Variants in CMIP observed in about 807,000 individuals in gnomAD.
The protein encoded by CMIP is c-Maf inducing protein.
In CMIP, 13 loss-of-function variants were observed where a neutral mutation model predicts 97.3. The ratio of observed to expected loss-of-function variants is 0.13; its 90% confidence interval spans 0.09 to 0.21. The LOEUF (loss-of-function observed/expected upper bound fraction) is 0.21, where lower values mean the gene tolerates loss of function less well. Ranked by LOEUF, CMIP falls within the 10% of genes least tolerant of loss-of-function variation. CMIP has a pLI of 1.00. For missense variants in CMIP, 847 were observed against 1,024.9 expected (o/e 0.83, Z 2.37); for synonymous variants, 538 against 436.3 (o/e 1.23, Z -2.91).
chr16:81,617,881 G>C (rs1333444443), intron 2 of CMIP, among the ~76,000 whole-genome samples: 1 of 152,240 alleles, frequency 6.6e-6, no homozygotes, highest in Non-Finnish European at 1.5e-5. Context: ...TTCCCTCTTA[G>C]GGTCACACAT....
chr16:81,460,290 A>T (rs1294252607), intron 1 of CMIP, among the ~76,000 whole-genome samples: 1 of 151,886 alleles, frequency 6.6e-6, no homozygotes, highest in East Asian at 1.9e-4. Flanking sequence ...TGGGCTATTT[A>T]TTCCCTCCTC....
At chr16:81,487,139 C>T (rs2089327211) in intron 1 of CMIP, among the ~76,000 whole-genome samples, 1 of 152,018 alleles carries the variant, frequency 6.6e-6, no homozygotes, top group South Asian at 2.1e-4. Flanking sequence ...CCAGAACAGG[C>T]CCTGCAGGGG....
chr16:81,671,625 T>G (rs1184573729), intron 8 of CMIP, among the ~76,000 whole-genome samples: 2 of 152,346 alleles, frequency 1.3e-5, no homozygotes, highest in African/African-American at 4.8e-5. Context: ...TGGTCCTAAC[T>G]GTACCCCAAC....
At chr16:81,517,530 G>A (rs752282010) in intron 1 of CMIP, among the ~76,000 whole-genome samples, 42 of 152,198 alleles carry the variant, frequency 2.8e-4, no homozygotes, top group Non-Finnish European at 5.6e-4. Flanking sequence ...TCTGGCAAGA[G>A]AGTGGGCTTG....
chr16:81,598,392 A>G (rs961354975), intron 1 of CMIP, among the ~76,000 whole-genome samples: 2 of 152,218 alleles, frequency 1.3e-5, no homozygotes, highest in Non-Finnish European at 2.9e-5. Context: ...CACACTGGCC[A>G]TATTTCAGGT....
chr16:81,563,907 C>G (rs779677340), intron 1 of CMIP, among the ~76,000 whole-genome samples: 2 of 152,260 alleles, frequency 1.3e-5, no homozygotes, highest in African/African-American at 2.4e-5. Flanking sequence ...GACACCCAAC[C>G]CCATGCTGCA....
At chr16:81,497,939 G>A (rs1307142991) in intron 1 of CMIP, among the ~76,000 whole-genome samples, 1 of 152,270 alleles carries the variant, frequency 6.6e-6, no homozygotes, top group East Asian at 1.9e-4. Context: ...TCCAGGCAGT[G>A]CCTGCCGACT....
chr16:81,487,061 C>G lies in CMIP; in HGVS notation c.300+41520C>G, dbSNP rs2926002. ...CAGCTTCGTTTCTCTGGACACCAGG[C>G]CTCGGAGAAACAGAAGGGGACGCCT... On this transcript the variant is annotated intron_variant, in intron 1 of 20. Coordinates refer to ENST00000537098, the MANE Select transcript of CMIP (RefSeq NM_198390.3). Among the ~76,000 whole-genome samples, 370 of 152,346 alleles carry G rather than the reference C, an allele frequency of 2.4e-3. 2 individuals are homozygous for G. The highest frequency in any genetic ancestry group is 8.6e-3 in the African/African-American group (358 of 41,574).
At chr16:81,452,201 G>T (rs1384578036) in intron 1 of CMIP, among the ~76,000 whole-genome samples, 1 of 152,174 alleles carries the variant, frequency 6.6e-6, no homozygotes, top group Non-Finnish European at 1.5e-5. Flanking sequence ...GTGGAGTAGG[G>T]GAGTGAGGAC....
At chr16:81,522,211 C>T (rs902258641) in intron 1 of CMIP, among the ~76,000 whole-genome samples, 12 of 152,162 alleles carry the variant, frequency 7.9e-5, no homozygotes, top group African/African-American at 1.4e-4. Flanking sequence ...CTCCCATTGG[C>T]GATCGATGAT....
chr16:81,570,679 C>T (rs1218996770), intron 1 of CMIP, among the ~76,000 whole-genome samples: 1 of 152,138 alleles, frequency 6.6e-6, no homozygotes, highest in South Asian at 2.1e-4. Context: ...GGCAAAAACG[C>T]GGTCCTGTTT....
In CMIP at chr16:81,698,351, G is replaced by A. The variant is rs534550361; in HGVS notation, c.1639-1334G>A. 3.9e-5 allele frequency among the ~76,000 whole-genome samples: 6 copies of A among 152,282 alleles called. No individual in the cohort carries two copies. In the East Asian group the frequency reaches 5.8e-4, roughly 15 times the overall value. On this transcript the variant is annotated intron_variant, in intron 14 of 20. Coordinates refer to ENST00000537098, the MANE Select transcript of CMIP (RefSeq NM_198390.3). ...CGCCCATGCACCAGAACAAAAGACC[G>A]CCCAACACATAACCCAAGAGGAAGC...
intron 4 of CMIP, among the ~76,000 whole-genome samples, chr16:81,654,972 G>T (rs2092467096): frequency 6.6e-6 from 1 of 152,204 alleles, no homozygotes; most frequent in South Asian, 2.1e-4. Flanking sequence ...AGGCCTTTCT[G>T]TGCCCAGTTG....
rs751441049 is a variant in CMIP at position 81,652,163 on chromosome 16, G to T, written c.478-40G>T. 6 of 1,536,236 alleles carry T rather than the reference G, an allele frequency of 3.9e-6. No individual in the cohort carries two copies. The African/African-American group carries it at 8.2e-5, about 21-fold the overall frequency. On this transcript the variant is annotated intron_variant, in intron 3 of 20. Coordinates refer to ENST00000537098, the MANE Select transcript of CMIP (RefSeq NM_198390.3). The surrounding 1 kb of genome is among the most constrained non-coding windows in gnomAD (Gnocchi z 5.2). ...GTCTTCCATCTTCTGCCTTCCTTAC[G>T]TGAGTAACATGTTGCTGTCTCTTTA...
At chr16:81,506,900 G>A (rs377090871) in intron 1 of CMIP, among the ~76,000 whole-genome samples, 589 of 118,522 alleles carry the variant, frequency 5.0e-3, no homozygotes, top group Non-Finnish European at 7.9e-3. Context: ...GCGAGACTCC[G>A]TCTCAAAAAA....
At chr16:81,584,048 C>G (rs2091340557) in intron 1 of CMIP, among the ~76,000 whole-genome samples, 2 of 152,320 alleles carry the variant, frequency 1.3e-5, no homozygotes, top group East Asian at 1.9e-4. Context: ...GCAGCTGGCT[C>G]TGACCCTGGT....
intron 1 of CMIP, among the ~76,000 whole-genome samples, chr16:81,456,169 C>T (rs377020674): frequency 6.6e-6 from 1 of 152,278 alleles, no homozygotes; most frequent in East Asian, 1.9e-4. Flanking sequence ...CAACTGAGCT[C>T]GGGGAGTCCC....
intron 2 of CMIP, chr16:81,617,109 G>C (rs1478039329): frequency 6.6e-6 from 1 of 152,322 alleles, no homozygotes; most frequent in Non-Finnish European, 1.5e-5. Flanking sequence ...TGGAAATGCT[G>C]GTTCCTTCTG....
At chr16:81,543,521 G>A (rs1193269470) in intron 1 of CMIP, among the ~76,000 whole-genome samples, 1 of 152,126 alleles carries the variant, frequency 6.6e-6, no homozygotes, top group African/African-American at 2.4e-5. Context: ...TGAGGGCGCT[G>A]AAAGGAAGGG....
Sources: gnomAD v4.1 joint callset for allele counts (sites outside exome capture counted in the v4.1 genomes callset) on GRCh38, gnomAD v4.1.1 for gene constraint, Gnocchi (gnomAD v3.1) non-coding constraint, MANE v1.5 for transcripts, NCBI Gene and HGNC (gene_info 2026-07-23, HGNC 2026-07-21) for gene names.